ARNT2: variants seen among roughly 807,000 people sequenced by gnomAD.
The protein encoded by ARNT2 is aryl hydrocarbon receptor nuclear translocator 2.
A neutral mutation model predicts 91.7 loss-of-function variants in ARNT2; 36 were observed. The observed-to-expected ratio is 0.39, with a 90% confidence interval of 0.30 to 0.52. The LOEUF is 0.52. ARNT2 is among the 20% of genes least tolerant of loss of function. The pLI, the probability that ARNT2 is intolerant of heterozygous loss-of-function variation, is 0.72. For missense variants in ARNT2, 775 were observed against 939.3 expected (o/e 0.83, Z 2.29); for synonymous variants, 365 against 347.1 (o/e 1.05, Z -0.57).
At position 80,517,571 on chromosome 15, in the gene ARNT2, G is replaced by A. The variant is rs540035038; in HGVS notation, c.877+3166G>A. 3.4e-5 allele frequency among the ~76,000 whole-genome samples: 5 copies of A among 147,828 alleles called. No individual in the cohort carries two copies. In the East Asian group the frequency reaches 9.9e-4, roughly 29 times the overall value. On this transcript the variant is annotated intron_variant, in intron 8 of 18. Coordinates refer to ENST00000303329, the MANE Select transcript of ARNT2 (RefSeq NM_014862.4). ...CTCCATTTTCTCTTTCTTCTCTTTT[G>A]TATTCCAATTACACAGATATATCTT...
chr15:80,564,323 T>C (rs1898432659), intron 12 of ARNT2, among the ~76,000 whole-genome samples: 1 of 152,116 alleles, frequency 6.6e-6, no homozygotes, highest in African/African-American at 2.4e-5. Flanking sequence ...CTACTGGCAC[T>C]CTCAGAACTT....
chr15:80,538,163 A>G (rs1329317828), intron 8 of ARNT2, among the ~76,000 whole-genome samples: 1 of 152,230 alleles, frequency 6.6e-6, no homozygotes, highest in Non-Finnish European at 1.5e-5. Context: ...AAGCAAAACT[A>G]TTAGACATAC....
intron 8 of ARNT2, among the ~76,000 whole-genome samples, chr15:80,533,674 C>T (rs991017075): frequency 2.6e-5 from 4 of 152,200 alleles, no homozygotes; most frequent in Non-Finnish European, 4.4e-5. Flanking sequence ...AATGAAATTC[C>T]ACAGCTAAGG....
intron 9 of ARNT2, among the ~76,000 whole-genome samples, chr15:80,551,542 C>T (rs994490376): frequency 2.6e-5 from 4 of 152,192 alleles, no homozygotes; most frequent in African/African-American, 9.7e-5. Flanking sequence ...GTTCTGCTCA[C>T]ATCACATCCC....
At chr15:80,588,132 A>C (rs1051526576) in intron 17 of ARNT2, among the ~76,000 whole-genome samples, 2 of 152,098 alleles carry the variant, frequency 1.3e-5, no homozygotes, top group African/African-American at 4.8e-5. Context: ...GATGGTATTT[A>C]GGGGAGTGGG....
intron 1 of ARNT2, among the ~76,000 whole-genome samples, chr15:80,406,488 G>A (rs1335564434): frequency 6.6e-6 from 1 of 152,158 alleles, no homozygotes; most frequent in Non-Finnish European, 1.5e-5. Flanking sequence ...ATATACACTG[G>A]GAACAGGAAT....
At chr15:80,511,469 G>C (rs572510501) in intron 6 of ARNT2, among the ~76,000 whole-genome samples, 1 of 151,938 alleles carries the variant, frequency 6.6e-6, no homozygotes, top group Non-Finnish European at 1.5e-5. Context: ...GTACAACAAA[G>C]CCCATGACAC....
At chr15:80,406,510 T>C (rs1372393265) in intron 1 of ARNT2, among the ~76,000 whole-genome samples, 1 of 152,214 alleles carries the variant, frequency 6.6e-6, no homozygotes, top group Non-Finnish European at 1.5e-5. Flanking sequence ...AAATCCCTGG[T>C]GATTTACATA....
chr15:80,519,047 A>G (rs935503145), intron 8 of ARNT2, among the ~76,000 whole-genome samples: 1 of 152,182 alleles, frequency 6.6e-6, no homozygotes, highest in Non-Finnish European at 1.5e-5. Context: ...ATACATTCAT[A>G]TAGTAAAGTT....
chr15:80,577,941 G>C (rs553748239), intron 15 of ARNT2, among the ~76,000 whole-genome samples: 3 of 152,246 alleles, frequency 2.0e-5, no homozygotes, highest in Non-Finnish European at 4.4e-5. Context: ...CAGCAGACAA[G>C]ATGGCAGCCC....
chr15:80,413,505 A>C lies in ARNT2; in HGVS notation c.31+8959A>C, dbSNP rs74027760. On this transcript the variant is annotated intron_variant, in intron 1 of 18. Transcript: ENST00000303329. ...AGGCCATGGTGGTTATTCCTGTTTC[A>C]AATGCACATTCAGGAGTTGTTAGTA... is the stretch of plus-strand genomic sequence containing the variant. Among the ~76,000 whole-genome samples the C allele has an allele frequency of 8.0e-3, 1,215 of 152,326 alleles. 19 individuals carry two copies. Among genetic ancestry groups the C allele is most frequent in the African/African-American group, 0.026 (1,099 of 41,556 alleles).
intron 6 of ARNT2, among the ~76,000 whole-genome samples, chr15:80,509,841 C>T (rs1372387952): frequency 1.3e-5 from 2 of 152,104 alleles, no homozygotes; most frequent in Non-Finnish European, 2.9e-5. Flanking sequence ...GTCCTTGTCT[C>T]AGAAGCAGAG....
chr15:80,441,734 A>G (rs970391792), intron 1 of ARNT2, among the ~76,000 whole-genome samples: 1 of 152,132 alleles, frequency 6.6e-6, no homozygotes, highest in African/African-American at 2.4e-5. Context: ...CGCTGCCTAC[A>G]CTGTATTATA....
chr15:80,525,483 CAGAT>C (rs1218824035), intron 8 of ARNT2, among the ~76,000 whole-genome samples: 1 of 150,876 alleles, frequency 6.6e-6, no homozygotes, highest in African/African-American at 2.4e-5. Context: ...TCAGACCTGA[CAGAT>C]AGTATGTATT....
intron 1 of ARNT2, among the ~76,000 whole-genome samples, chr15:80,417,128 G>A (rs972446114): frequency 4.6e-5 from 7 of 152,144 alleles, no homozygotes; most frequent in African/African-American, 1.7e-4. Context: ...AAAGTCAATA[G>A]GGAGTTGAAG....
chr15:80,581,067 GC>G (rs1329993209), intron 16 of ARNT2, 171 bp from the exon 17 acceptor site: 1 of 727,306 alleles, frequency 1.4e-6, no homozygotes, highest in African/African-American at 1.8e-5. Flanking sequence ...CAGTTCCTGG[GC>G]CCTCACACAC....
chr15:80,482,956 T>C (rs1048252310), intron 5 of ARNT2, among the ~76,000 whole-genome samples: 1 of 152,264 alleles, frequency 6.6e-6, no homozygotes, highest in East Asian at 1.9e-4. Context: ...GAGTCCACTG[T>C]TATTCTTGGC....
intron 1 of ARNT2, among the ~76,000 whole-genome samples, chr15:80,426,523 G>T (rs990778148): frequency 4.6e-5 from 7 of 152,214 alleles, no homozygotes; most frequent in Non-Finnish European, 8.8e-5. Flanking sequence ...GTGTCCCAAG[G>T]CTGCTGCATG....
chr15:80,467,575 G>C (rs764891479), intron 3 of ARNT2, among the ~76,000 whole-genome samples: 1 of 152,210 alleles, frequency 6.6e-6, no homozygotes, highest in African/African-American at 2.4e-5. Flanking sequence ...GTGCGGGGCG[G>C]TGGCGTGCAG....
Sources: gnomAD v4.1 joint callset for allele counts (sites outside exome capture counted in the v4.1 genomes callset) on GRCh38, gnomAD v4.1.1 for gene constraint, MANE v1.5 for transcripts, NCBI Gene and HGNC (gene_info 2026-07-23, HGNC 2026-07-21) for gene names.